The following ALCAM variants were observed in gnomAD, a reference collection of about 807,000 sequenced individuals.
The protein encoded by ALCAM is activated leukocyte cell adhesion molecule, also known as CD166 antigen.
Under a neutral mutation model 70.9 loss-of-function variants are expected in ALCAM, and 30 were observed. The observed-to-expected ratio is 0.42, with a 90% CI of 0.32 to 0.57. The LOEUF (loss-of-function observed/expected upper bound fraction) is 0.57, where lower values mean the gene tolerates loss of function less well. Among genes scored for constraint, ALCAM ranks in the 20% least tolerant of loss-of-function variants. The pLI, the probability that ALCAM is intolerant of heterozygous loss-of-function variation, is 0.11. For missense variants in ALCAM, 591 were observed against 695.1 expected, an observed-to-expected ratio of 0.85 and a Z score of 1.68; for synonymous variants, 249 against 242.5, an observed-to-expected ratio of 1.03 and a Z score of -0.25.
At position 105,367,378 on chromosome 3, in the gene ALCAM, C is replaced by CG. The variant is rs754595147; in HGVS notation, c.-30dup. On this transcript the variant is annotated 5_prime_UTR_variant, in exon 1 of 16. Transcript: ENST00000306107. The stretch of plus-strand genomic sequence containing the variant: ...ACGCCCCCTCCTGCGGCGTGGACTC[C>CG]GTCAGTGGCCCACCAAGAAGGAGGA... The CG allele has an allele frequency of 2.5e-6, 4 of 1,612,012 alleles. No homozygotes were observed. In the African/African-American group the frequency reaches 5.3e-5, roughly 22 times the overall value.
At chr3:105,408,929 C>T (rs532533681) in intron 1 of ALCAM, among the ~76,000 whole-genome samples, 2 of 152,014 alleles carry the variant, frequency 1.3e-5, no homozygotes, top group Non-Finnish European at 2.9e-5. Context: ...TACAATTGAC[C>T]AATGAGCATA....
At position 105,576,048 on chromosome 3, in the gene ALCAM, A is replaced by C. The variant is rs1291395473; in HGVS notation, c.*1597A>C. The C allele has an allele frequency of 6.6e-6, 1 of 152,276 alleles. No homozygotes were observed. Among genetic ancestry groups the C allele is most frequent in the East Asian group, 1.9e-4 (1 of 5,188 alleles). 9.4% of individuals were successfully genotyped at this position (152,276 alleles called of 1,614,324 possible). ...GGGCAATAGTGACTCCGTTTAATAA[A>C]AGCTTCCGTAGTGCATTGGTATGGA... is the stretch of plus-strand genomic sequence containing the variant. On this transcript the variant is annotated 3_prime_UTR_variant, in exon 16 of 16. Coordinates refer to ENST00000306107, the MANE Select transcript of ALCAM (RefSeq NM_001627.4).
intron 14 of ALCAM, among the ~76,000 whole-genome samples, chr3:105,566,568 T>C (rs1429295268): frequency 6.6e-6 from 1 of 152,178 alleles, no homozygotes; most frequent in Non-Finnish European, 1.5e-5. Context: ...TATTACATTT[T>C]AATACCTCTA....
At chr3:105,498,039 A>AG (rs1938805482) in intron 1 of ALCAM, among the ~76,000 whole-genome samples, 1 of 150,074 alleles carries the variant, frequency 6.7e-6, no homozygotes, top group East Asian at 1.9e-4. Context: ...TCAAAAAAAA[A>AG]AAAAAAGGGG....
chr3:105,371,935 C>T (rs1935246777), intron 1 of ALCAM, among the ~76,000 whole-genome samples: 1 of 152,128 alleles, frequency 6.6e-6, no homozygotes. Context: ...AGGCTAATCT[C>T]ATTTCTTACA....
At chr3:105,524,576 A>G in intron 3 of ALCAM, 68 bp downstream of exon 3, 1 of 1,594,906 alleles carries the variant, frequency 6.3e-7, no homozygotes, top group Non-Finnish European at 8.5e-7. Flanking sequence ...TGTTCTTTAG[A>G]AAGAAGACTG....
At chr3:105,424,405 C>T (rs926975136) in intron 1 of ALCAM, among the ~76,000 whole-genome samples, 2 of 151,606 alleles carry the variant, frequency 1.3e-5, no homozygotes, top group African/African-American at 4.8e-5. Flanking sequence ...AAATCATGTT[C>T]TTTCCATTAC....
intron 1 of ALCAM, among the ~76,000 whole-genome samples, chr3:105,390,188 A>G (rs1935778812): frequency 6.6e-6 from 1 of 151,996 alleles, no homozygotes; most frequent in South Asian, 2.1e-4. Flanking sequence ...GATTGAACTA[A>G]TTTACATTAC....
intron 2 of ALCAM, among the ~76,000 whole-genome samples, chr3:105,523,009 G>A (rs1181040886): frequency 6.6e-6 from 1 of 151,876 alleles, no homozygotes; most frequent in East Asian, 1.9e-4. Context: ...GCGTGGTGGC[G>A]CGTGCCTGTA....
At chr3:105,550,657 G>A (rs1003087101) in intron 12 of ALCAM, among the ~76,000 whole-genome samples, 1 of 151,304 alleles carries the variant, frequency 6.6e-6, no homozygotes, top group African/African-American at 2.4e-5. Context: ...CTATTATTTT[G>A]CCTTCTAATT....
At chr3:105,541,869 C>T in intron 8 of ALCAM, 104 bp downstream of exon 8, 1 of 1,400,340 alleles carries the variant, frequency 7.1e-7, no homozygotes, top group African/African-American at 1.4e-5. Flanking sequence ...TCTTAAATAA[C>T]TTGGTTGCAA....
In ALCAM at chr3:105,392,362, G is replaced by A. The variant is rs56081414; in HGVS notation, c.73+24881G>A. 3.4e-3 allele frequency among the ~76,000 whole-genome samples: 515 copies of A among 151,824 alleles called. 3 individuals carry two copies. Among genetic ancestry groups the A allele is most frequent in the African/African-American group, 0.012 (486 of 41,478 alleles). On this transcript the variant is annotated intron_variant, in intron 1 of 15. Coordinates refer to ENST00000306107, the MANE Select transcript of ALCAM (RefSeq NM_001627.4). ...AGATTTTCTAGTTTATTTGCATAAC[G>A]GTGTTTATTGTATTCTCTGATCGTT...
chr3:105,569,837 A>T (rs2152635942), intron 14 of ALCAM, among the ~76,000 whole-genome samples: 1 of 152,290 alleles, frequency 6.6e-6, no homozygotes, highest in Non-Finnish European at 1.5e-5. Context: ...TTGAAGGGAA[A>T]AGCTGGATTT....
At chr3:105,467,971 T>G (rs1937797428) in intron 1 of ALCAM, among the ~76,000 whole-genome samples, 1 of 151,284 alleles carries the variant, frequency 6.6e-6, no homozygotes, top group South Asian at 2.1e-4. Context: ...GAGGAATCCC[T>G]TCAATGTGGT....
chr3:105,421,186 G>A (rs549227210), intron 1 of ALCAM, among the ~76,000 whole-genome samples: 1 of 151,364 alleles, frequency 6.6e-6, no homozygotes, highest in Non-Finnish European at 1.5e-5. Flanking sequence ...TGAACAAATA[G>A]GTTCAGAGAG....
chr3:105,487,921 T>A (rs2152609835), intron 1 of ALCAM, among the ~76,000 whole-genome samples: 1 of 152,214 alleles, frequency 6.6e-6, no homozygotes, highest in Non-Finnish European at 1.5e-5. Flanking sequence ...CAGTTTGGAT[T>A]TTTCAGTCCT....
intron 1 of ALCAM, among the ~76,000 whole-genome samples, chr3:105,463,358 G>A (rs931595691): frequency 2.6e-5 from 4 of 151,158 alleles, no homozygotes; most frequent in Admixed American, 1.3e-4. Context: ...TTTTATCTTC[G>A]CAAATGTATT....
chr3:105,370,101 T>A (rs563160360), intron 1 of ALCAM, among the ~76,000 whole-genome samples: 32 of 152,322 alleles, frequency 2.1e-4, no homozygotes, highest in African/African-American at 7.5e-4. Context: ...CTCACTGATC[T>A]CACTGATATA....
At chr3:105,425,287 G>A (rs1236839428) in intron 1 of ALCAM, among the ~76,000 whole-genome samples, 1 of 151,618 alleles carries the variant, frequency 6.6e-6, no homozygotes, top group Non-Finnish European at 1.5e-5. Context: ...TGACACATTG[G>A]TTCTATTTGC....
Sources: gnomAD v4.1 joint callset for allele counts (sites outside exome capture counted in the v4.1 genomes callset) on GRCh38, gnomAD v4.1.1 for gene constraint, MANE v1.5 for transcripts, NCBI Gene and HGNC (gene_info 2026-07-23, HGNC 2026-07-21) for gene names.